The following EYS variants were observed in gnomAD, a reference collection of about 807,000 sequenced individuals.
EYS encodes the protein protein eyes shut homolog.
A neutral mutation model predicts 282.1 loss-of-function variants in EYS; 250 were observed. That is an observed-to-expected ratio of 0.89 (90% CI 0.80 to 0.98). EYS has a LOEUF of 0.98. Ranked by LOEUF, EYS falls within the 50% of genes least tolerant of loss-of-function variation. The pLI is 0.00. For missense variants in EYS, 4,016 were observed against 3,709.0 expected (o/e 1.08, Z -2.15); for synonymous variants, 1,355 against 1,282.9 (o/e 1.06, Z -1.20).
chr6:64,230,720 G>T lies in EYS; in HGVS notation c.6296C>A (p.Ala2099Glu). ...MWTSVSPSVA[A>E]PSVCQQDVCH... is the part of the protein sequence containing the mutation. ...TACATCCTGCTGGCACACAGAGGGT[G>T]CTGCAACAGAGGGGCTGACAGAAGT... The change falls in exon 31 of 43, where the codon GCA (alanine) becomes GAA (glutamate). Residue 2099 changes from alanine (A) to glutamate (E), a missense_variant. Coordinates refer to ENST00000503581, the MANE Select transcript of EYS (RefSeq NM_001142800.2). 1 of 1,551,556 alleles carries T rather than the reference G, an allele frequency of 6.4e-7. No homozygotes were observed.
chr6:65,561,407 T>C (rs1436572375), intron 2 of EYS, among the ~76,000 whole-genome samples: 1 of 152,190 alleles, frequency 6.6e-6, no homozygotes, highest in Non-Finnish European at 1.5e-5. Flanking sequence ...CTATTAGTTC[T>C]ATTTCTCAAA....
Position 64,345,460 on chromosome 6 carries a change from C to G in EYS, c.6079-38378G>C, listed in dbSNP as rs183148669. Among the ~76,000 whole-genome samples the G allele has an allele frequency of 2.8e-3, 423 of 152,222 alleles. 2 individuals carry two copies. The highest frequency in any genetic ancestry group is 9.3e-3 in the African/African-American group (388 of 41,552). ...AAACAAGCAATGGGAAAAGGATTCC[C>G]TATTTAATAAATGGTGCTGGGAAAA... On this transcript the variant is annotated intron_variant, in intron 29 of 42. Coordinates refer to ENST00000503581, the MANE Select transcript of EYS (RefSeq NM_001142800.2).
intron 22 of EYS, among the ~76,000 whole-genome samples, chr6:64,799,721 T>A (rs1316756415): frequency 6.6e-6 from 1 of 150,898 alleles, no homozygotes; most frequent in African/African-American, 2.4e-5. Flanking sequence ...TCTGTATCTC[T>A]CTATCTCAAA....
intron 12 of EYS, among the ~76,000 whole-genome samples, chr6:65,161,811 T>C (rs1426522448): frequency 1.3e-5 from 2 of 151,242 alleles, no homozygotes; most frequent in Non-Finnish European, 3.0e-5. Context: ...AGTAAAAGAA[T>C]AGAGATCAAA....
intron 29 of EYS, among the ~76,000 whole-genome samples, chr6:64,361,758 G>T (rs979718300): frequency 2.0e-5 from 3 of 151,360 alleles, no homozygotes; most frequent in Non-Finnish European, 4.4e-5. Context: ...ACATATAATT[G>T]CACTCATCAT....
chr6:65,120,885 C>T (rs11970250), intron 12 of EYS, among the ~76,000 whole-genome samples: 34,841 of 152,020 alleles, frequency 0.23, 4,579 homozygotes, highest in African/African-American at 0.35. Flanking sequence ...CTCTACTTCA[C>T]CTTAACACTT....
chr6:64,326,935 G>T (rs538891064), intron 29 of EYS, among the ~76,000 whole-genome samples: 1 of 152,122 alleles, frequency 6.6e-6, no homozygotes, highest in Non-Finnish European at 1.5e-5. Flanking sequence ...AGTCCAACCC[G>T]AGGGGGTTGG....
chr6:64,906,687 A>AGGCATCTTTGCCACATTTTAATC (rs1387137836), intron 16 of EYS, among the ~76,000 whole-genome samples: 2 of 152,216 alleles, frequency 1.3e-5, no homozygotes, highest in Admixed American at 1.3e-4. Flanking sequence ...GCTCCTTGTG[A>AGGCATCTTTGCCACATTTTAATC]GGCATCTTTG....
chr6:64,931,769 C>A (rs1240242185), intron 15 of EYS, among the ~76,000 whole-genome samples: 1 of 152,064 alleles, frequency 6.6e-6, no homozygotes, highest in Non-Finnish European at 1.5e-5. Flanking sequence ...ATTCTACTTT[C>A]TAGCTAAGGA....
chr6:65,357,254 T>C (rs1302637213), intron 8 of EYS, among the ~76,000 whole-genome samples: 7 of 152,034 alleles, frequency 4.6e-5, no homozygotes, highest in African/African-American at 1.7e-4. Context: ...TCATTCATAA[T>C]GTTTATCTTC....
At chr6:65,033,993 C>A (rs529094323) in intron 13 of EYS, among the ~76,000 whole-genome samples, 2 of 152,118 alleles carry the variant, frequency 1.3e-5, no homozygotes, top group Admixed American at 1.3e-4. Context: ...GAAAACACAC[C>A]GTTTGGGTTC....
At chr6:64,322,503 T>C (rs542068378) in intron 29 of EYS, among the ~76,000 whole-genome samples, 75 of 152,152 alleles carry the variant, frequency 4.9e-4, no homozygotes, top group African/African-American at 1.7e-3. Flanking sequence ...AAGCAAGGAC[T>C]TGAGGGGCCA....
intron 2 of EYS, among the ~76,000 whole-genome samples, chr6:65,622,659 C>T (rs998004098): frequency 6.6e-6 from 1 of 152,012 alleles, no homozygotes; most frequent in Non-Finnish European, 1.5e-5. Context: ...TACTTCAAAG[C>T]AGACTATCAT....
intron 35 of EYS, among the ~76,000 whole-genome samples, chr6:63,917,960 T>A (rs1233714243): frequency 1.3e-5 from 2 of 152,204 alleles, no homozygotes; most frequent in African/African-American, 4.8e-5. Flanking sequence ...GCAAGGAAAG[T>A]ATTCAAAATC....
intron 37 of EYS, among the ~76,000 whole-genome samples, chr6:63,805,132 T>C (rs910133188): frequency 2.0e-5 from 3 of 152,168 alleles, no homozygotes; most frequent in Admixed American, 2.0e-4. Flanking sequence ...CACTGACAGC[T>C]GAGAGAAAGG....
At chr6:64,901,312 A>ATATATATATG (rs1311181381) in intron 18 of EYS, among the ~76,000 whole-genome samples, 1 of 149,100 alleles carries the variant, frequency 6.7e-6, no homozygotes. Context: ...ATATATATAT[A>ATATATATATG]TATAGGCAGA....
At chr6:64,532,892 A>G (rs1764396329) in intron 26 of EYS, among the ~76,000 whole-genome samples, 1 of 152,074 alleles carries the variant, frequency 6.6e-6, no homozygotes, top group African/African-American at 2.4e-5. Flanking sequence ...GCAACCCCCT[A>G]TTTTGGATTC....
At chr6:65,676,121 T>C (rs1182590486) in intron 1 of EYS, among the ~76,000 whole-genome samples, 6 of 151,660 alleles carry the variant, frequency 4.0e-5, no homozygotes, top group Admixed American at 3.9e-4. Context: ...AACACCTACA[T>C]TATAAAGAAA....
chr6:65,475,752 G>GACACACACAC (rs199612356), intron 5 of EYS, among the ~76,000 whole-genome samples: 148 of 144,780 alleles, frequency 1.0e-3, no homozygotes, highest in African/African-American at 3.3e-3. Flanking sequence ...CAGACAGACA[G>GACACACACAC]ACAGACACAC....
Sources: gnomAD v4.1 joint callset for allele counts (sites outside exome capture counted in the v4.1 genomes callset) on GRCh38, gnomAD v4.1.1 for gene constraint, MANE v1.5 for transcripts, NCBI Gene and HGNC (gene_info 2026-07-23, HGNC 2026-07-21) for gene names.